FRMPD4: variants seen among roughly 807,000 people sequenced by gnomAD.
FRMPD4 encodes the protein FERM and PDZ domain containing 4.
In FRMPD4, 22 loss-of-function variants were observed where a neutral mutation model predicts 94.1. The ratio of observed to expected loss-of-function variants is 0.23; its 90% CI spans 0.17 to 0.33. The LOEUF is 0.33. FRMPD4 is among the 10% of genes least tolerant of loss of function. The pLI is 1.00. For synonymous variants in FRMPD4, 631 were observed against 548.6 expected (o/e 1.15, Z -2.10); for missense variants, 1,111 against 1,339.9 (o/e 0.83, Z 2.67).
chrX:12,093,580 G>A (rs1474056842), intron 3 of FRMPD4, among the ~76,000 whole-genome samples: 1 of 98,454 alleles, frequency 1.0e-5, no homozygotes, highest in Non-Finnish European at 2.0e-5. Context: ...TAGCTTTCTA[G>A]TAGTTGCAGA....
At chrX:12,606,724 C>G (rs755885081) in intron 2 of FRMPD4, among the ~76,000 whole-genome samples, 34 of 111,587 alleles carry the variant, frequency 3.0e-4, no homozygotes, top group African/African-American at 1.0e-3. Context: ...GGGCCAGGTT[C>G]CAAAAATGTG....
intron 1 of FRMPD4, among the ~76,000 whole-genome samples, chrX:12,340,682 T>C (rs1409227750): frequency 8.9e-6 from 1 of 112,293 alleles, no homozygotes; most frequent in East Asian, 2.8e-4. Context: ...TTTATTTTTA[T>C]GTAGTCTGTG....
chrX:12,158,807 G>A (rs367630764), intron 1 of FRMPD4, among the ~76,000 whole-genome samples: 9 of 111,691 alleles, frequency 8.1e-5, no homozygotes, highest in African/African-American at 2.6e-4. Context: ...TTTGGTGATC[G>A]TATTTGTTTC....
At chrX:12,165,845 T>G (rs1463700072) in intron 1 of FRMPD4, among the ~76,000 whole-genome samples, 1 of 111,241 alleles carries the variant, frequency 9.0e-6, no homozygotes, top group Non-Finnish European at 1.9e-5. Flanking sequence ...GATTTGGCTC[T>G]CTGTTTGTCT....
intron 3 of FRMPD4, among the ~76,000 whole-genome samples, chrX:12,016,816 A>G (rs1370634168): frequency 9.0e-6 from 1 of 111,607 alleles, no homozygotes; most frequent in Non-Finnish European, 1.9e-5. Context: ...TTCCCAAATG[A>G]CGCCAGCTAT....
intron 3 of FRMPD4, among the ~76,000 whole-genome samples, chrX:11,946,264 C>T (rs2054188513): frequency 9.0e-6 from 1 of 111,147 alleles, no homozygotes; most frequent in African/African-American, 3.3e-5. Flanking sequence ...ATTCTTTGCT[C>T]CGGCAGACTC....
chrX:11,913,491 TCA>T (rs1185952441), intron 3 of FRMPD4, among the ~76,000 whole-genome samples: 1 of 112,100 alleles, frequency 8.9e-6, no homozygotes, highest in African/African-American at 3.2e-5. Flanking sequence ...GATTCTGGTC[TCA>T]GTTTCATTGC....
At chrX:11,941,134 G>A (rs2054157406) in intron 3 of FRMPD4, among the ~76,000 whole-genome samples, 1 of 47,548 alleles carries the variant, frequency 2.1e-5, no homozygotes, top group Non-Finnish European at 4.3e-5. Context: ...GCAATGCCTC[G>A]CCCTGCTTCG....
At chrX:12,579,307 T>G (rs140038032) in intron 2 of FRMPD4, among the ~76,000 whole-genome samples, 2,268 of 112,730 alleles carry the variant, frequency 0.02, 58 homozygotes, top group African/African-American at 0.069. Flanking sequence ...CTTCTTACAA[T>G]GCAACTGAGT....
rs950049367 is a variant in FRMPD4 at position 11,990,033 on chromosome X, A to G, written c.95+112015A>G. On this transcript the variant is annotated intron_variant, in intron 3 of 18. Transcript: ENST00000640291. ...CATGTTCATAATAGCACTATTCACAATAGCCAAAAGATAGAAACTGCCAAA... is the reference window on the plus strand; with the variant it reads ...CATGTTCATAATAGCACTATTCACAGTAGCCAAAAGATAGAAACTGCCAAA... Among the ~76,000 whole-genome samples, 12 of 112,364 alleles carry G rather than the reference A, an allele frequency of 1.1e-4. No individual in the cohort carries two copies. In the East Asian group the frequency reaches 3.3e-3, roughly 31 times the overall value.
intron 1 of FRMPD4, among the ~76,000 whole-genome samples, chrX:11,853,308 T>C (rs1195334049): frequency 9.0e-6 from 1 of 111,274 alleles, no homozygotes; most frequent in African/African-American, 3.3e-5. Context: ...AGATCTCAAA[T>C]TAATAACCTA....
rs920996292 is a variant in FRMPD4 at position 12,311,190 on chromosome X, A to G, written c.41+172178A>G. ...CATCTATCTTGTGCATCTACTGCCA[A>G]TGATGACTGGGTATGGGTGTGACAC... On this transcript the variant is annotated intron_variant, in intron 1 of 16. Coordinates refer to ENST00000675598, the MANE Select transcript of FRMPD4 (RefSeq NM_001368397.1). Among the ~76,000 whole-genome samples, 4 of 111,943 alleles carry G rather than the reference A, an allele frequency of 3.6e-5. 1 individual carries two copies. Among genetic ancestry groups the G allele is most frequent in the Non-Finnish European group, 7.5e-5 (4 of 53,232 alleles).
chrX:12,364,464 T>A (rs957188715), intron 1 of FRMPD4, among the ~76,000 whole-genome samples: 1 of 110,842 alleles, frequency 9.0e-6, no homozygotes, highest in Non-Finnish European at 1.9e-5. Flanking sequence ...GTGTCCTTGG[T>A]TTTCTGGCTC....
intron 1 of FRMPD4, among the ~76,000 whole-genome samples, chrX:11,859,733 T>C: frequency 8.9e-6 from 1 of 111,957 alleles, no homozygotes. Context: ...TGTTTTTTGT[T>C]TGTTTGTTTG....
chrX:11,980,178 A>G (rs957888136), intron 3 of FRMPD4, among the ~76,000 whole-genome samples: 1 of 111,725 alleles, frequency 9.0e-6, no homozygotes, highest in Non-Finnish European at 1.9e-5. Context: ...GTATTTGAGT[A>G]TTTTGTTGGG....
At chrX:12,652,750 G>A (rs1010957616) in intron 4 of FRMPD4, among the ~76,000 whole-genome samples, 4 of 111,861 alleles carry the variant, frequency 3.6e-5, no homozygotes, top group African/African-American at 6.5e-5. Flanking sequence ...AATCTATTTC[G>A]TATGTCTCTC....
In FRMPD4 at chrX:12,723,660, T is replaced by C. The variant is rs1268887935; in HGVS notation, c.*1802T>C. The stretch of plus-strand genomic sequence containing the variant: ...AAAATCCTAACCTATTAATAGGATG[T>C]GTGCCCTATGTCAGACAGTGTGCTA... On this transcript the variant is annotated 3_prime_UTR_variant, in exon 17 of 17. Coordinates refer to ENST00000675598, the MANE Select transcript of FRMPD4 (RefSeq NM_001368397.1). The C allele has an allele frequency of 1.1e-4, 12 of 111,837 alleles. No homozygotes were observed. Among genetic ancestry groups the C allele is most frequent in the Non-Finnish European group, 1.9e-4 (10 of 53,189 alleles). The allele number at this position is 111,837 out of a possible 1,213,427, so 9.2% of individuals were successfully genotyped here.
chrX:12,156,560 G>A (rs148280501), intron 1 of FRMPD4, among the ~76,000 whole-genome samples: 79 of 111,882 alleles, frequency 7.1e-4, no homozygotes, highest in South Asian at 5.4e-3. Flanking sequence ...TACACAAGTG[G>A]GAAATGTGCT....
intron 1 of FRMPD4, among the ~76,000 whole-genome samples, chrX:12,237,617 C>T (rs1242280178): frequency 1.8e-5 from 2 of 111,972 alleles, no homozygotes; most frequent in Non-Finnish European, 3.8e-5. Flanking sequence ...GTTGGTCATT[C>T]AAATATTTTT....
Sources: gnomAD v4.1 joint callset for allele counts (sites outside exome capture counted in the v4.1 genomes callset) on GRCh38, gnomAD v4.1.1 for gene constraint, MANE v1.5 for transcripts, NCBI Gene and HGNC (gene_info 2026-07-23, HGNC 2026-07-21) for gene names.